The following SCG5 variants were observed in gnomAD, a reference collection of about 807,000 sequenced individuals.
The protein encoded by SCG5 is secretogranin V.
SCG5 carries 18 observed loss-of-function variants against 25.7 expected under a neutral mutation model. The observed-to-expected ratio is 0.70, with a 90% CI of 0.48 to 1.04. The LOEUF (loss-of-function observed/expected upper bound fraction) is 1.04, where lower values mean the gene tolerates loss of function less well. Among genes scored for constraint, SCG5 ranks in the 50% least tolerant of loss-of-function variants. The probability of loss-of-function intolerance (pLI) is 0.00; values close to 1 mark genes in which losing one functional copy is unlikely to be tolerated. For missense variants in SCG5, 206 were observed against 259.8 expected (o/e 0.79, Z 1.42); for synonymous variants, 101 against 91.7 (o/e 1.10, Z -0.58).
chr15:32,648,783 T>TAA (rs1212922715), intron 2 of SCG5, among the ~76,000 whole-genome samples: 4,591 of 131,292 alleles, frequency 0.035, 107 homozygotes, highest in East Asian at 0.1. Context: ...TTTTTTTTTT[T>TAA]AAAAAAAAAA....
At chr15:32,695,893 A>C (rs773365992) in intron 5 of SCG5, among the ~76,000 whole-genome samples, 1 of 152,204 alleles carries the variant, frequency 6.6e-6, no homozygotes, top group Non-Finnish European at 1.5e-5. Flanking sequence ...GGTTTACTGC[A>C]CTTCTTTGCA....
chr15:32,685,697 G>A (rs1228282693), intron 4 of SCG5, among the ~76,000 whole-genome samples: 1 of 152,240 alleles, frequency 6.6e-6, no homozygotes, highest in East Asian at 1.9e-4. Context: ...TCAGAACTGA[G>A]TGGGGATATG....
intron 2 of SCG5, among the ~76,000 whole-genome samples, chr15:32,669,359 A>G (rs2054377558): frequency 6.6e-6 from 1 of 152,164 alleles, no homozygotes; most frequent in Non-Finnish European, 1.5e-5. Flanking sequence ...GCCCAAGTCC[A>G]TATTTTTACT....
At chr15:32,678,090 C>CTA (rs2054559842) in intron 2 of SCG5, among the ~76,000 whole-genome samples, 1 of 152,122 alleles carries the variant, frequency 6.6e-6, no homozygotes, top group Non-Finnish European at 1.5e-5. Context: ...AAAGAGTTAA[C>CTA]TTACAAATAG....
intron 2 of SCG5, among the ~76,000 whole-genome samples, chr15:32,644,685 A>G (rs2053915675): frequency 6.6e-6 from 1 of 152,210 alleles, no homozygotes; most frequent in Non-Finnish European, 1.5e-5. Flanking sequence ...GCAGAATCCT[A>G]AAGAAGTAGC....
At chr15:32,648,920 C>T (rs369347742) in intron 2 of SCG5, among the ~76,000 whole-genome samples, 2 of 152,132 alleles carry the variant, frequency 1.3e-5, no homozygotes, top group East Asian at 1.9e-4. Flanking sequence ...TACAGGCGCC[C>T]GCCACCACGC....
intron 2 of SCG5, among the ~76,000 whole-genome samples, chr15:32,661,941 T>C (rs992631960): frequency 6.6e-6 from 1 of 152,196 alleles, no homozygotes; most frequent in Non-Finnish European, 1.5e-5. Context: ...TGTGCACACA[T>C]AGGTAGTTTT....
intron 2 of SCG5, among the ~76,000 whole-genome samples, chr15:32,664,301 C>G (rs571718989): frequency 1.3e-4 from 20 of 152,314 alleles, no homozygotes; most frequent in South Asian, 8.3e-4. Context: ...CCTTCTGTTT[C>G]TCACTGTGCC....
rs548459180 is a variant in SCG5, at chr15:32,668,422, T to C, written c.227-11344T>C. On this transcript the variant is annotated intron_variant, in intron 2 of 5. Coordinates refer to ENST00000300175, the MANE Select transcript of SCG5 (RefSeq NM_001144757.3). ...CTTGTCAGACTCAGATGGAGTCTCC[T>C]CGTTTTAGTCTACAGACATATGGGT... is the stretch of plus-strand genomic sequence containing the variant. Among the ~76,000 whole-genome samples the C allele has an allele frequency of 9.2e-5, 14 of 152,328 alleles. No individual in the cohort carries two copies. In the East Asian group the frequency reaches 2.5e-3, roughly 27 times the overall value.
Position 32,643,696 on chromosome 15 carries a change from T to G in SCG5, c.104T>G (p.Val35Gly). 6.2e-7 allele frequency: 1 copy of G among 1,613,882 alleles called. No individual in the cohort carries two copies. The highest frequency in any genetic ancestry group is 8.5e-7 in the Non-Finnish European group (1 of 1,179,852). ...FAYSPRTPDR[V>G]SEADIQRLLH... ...TACAGCCCCCGGACCCCTGACCGGG[T>G]CTCAGAAGCAGATATCCAGAGGCTG... The change falls in exon 2 of 6, where the codon GTC becomes GGC. Residue 35 changes from valine (V) to glycine (G), a missense_variant. By Grantham distance (109) the Val-to-Gly change is moderately radical. Coordinates refer to ENST00000300175, the MANE Select transcript of SCG5 (RefSeq NM_001144757.3).
chr15:32,663,542 T>G (rs2054272953), intron 2 of SCG5, among the ~76,000 whole-genome samples: 1 of 152,178 alleles, frequency 6.6e-6, no homozygotes, highest in Admixed American at 6.5e-5. Flanking sequence ...ATTTCCAGGC[T>G]GGCTAGGACA....
intron 5 of SCG5, among the ~76,000 whole-genome samples, chr15:32,694,694 G>A (rs966504201): frequency 6.6e-6 from 1 of 152,194 alleles, no homozygotes; most frequent in Non-Finnish European, 1.5e-5. Flanking sequence ...GTGTTGTCTT[G>A]TGGCATGTCA....
chr15:32,650,843 G>A (rs905214810), intron 2 of SCG5, among the ~76,000 whole-genome samples: 2 of 152,198 alleles, frequency 1.3e-5, no homozygotes, highest in African/African-American at 2.4e-5. Context: ...AGATAGAAAT[G>A]TATAAACATT....
intron 3 of SCG5, among the ~76,000 whole-genome samples, chr15:32,682,647 A>C (rs965070274): frequency 6.6e-6 from 1 of 152,238 alleles, no homozygotes; most frequent in Non-Finnish European, 1.5e-5. Flanking sequence ...TTCTTCCATG[A>C]AACTAACATA....
intron 2 of SCG5, among the ~76,000 whole-genome samples, chr15:32,648,782 TTA>T (rs1567069560): frequency 7.2e-6 from 1 of 139,040 alleles, no homozygotes; most frequent in East Asian, 2.3e-4. Context: ...TTTTTTTTTT[TTA>T]AAAAAAAAAC....
chr15:32,695,396 C>T (rs987746707), intron 5 of SCG5, among the ~76,000 whole-genome samples: 2 of 151,976 alleles, frequency 1.3e-5, no homozygotes, highest in Admixed American at 6.6e-5. Flanking sequence ...TTGAATTTTT[C>T]TTCTGCTTGC....
At chr15:32,650,752 C>G (rs1489121724) in intron 2 of SCG5, among the ~76,000 whole-genome samples, 1 of 152,178 alleles carries the variant, frequency 6.6e-6, no homozygotes, top group African/African-American at 2.4e-5. Flanking sequence ...ATAGGCTGCT[C>G]AGTGCCAGCT....
chr15:32,665,932 A>G (rs2054311281), intron 2 of SCG5: 1 of 152,240 alleles, frequency 6.6e-6, no homozygotes, highest in African/African-American at 2.4e-5. Flanking sequence ...GAAAAAATAA[A>G]CAAACATGCA....
chr15:32,646,704 G>A (rs904741081), intron 2 of SCG5, among the ~76,000 whole-genome samples: 8 of 152,136 alleles, frequency 5.3e-5, no homozygotes, highest in African/African-American at 1.7e-4. Flanking sequence ...AAAATAAAAA[G>A]CCTGGGTTTT....
Sources: gnomAD v4.1 joint callset for allele counts (sites outside exome capture counted in the v4.1 genomes callset) on GRCh38, gnomAD v4.1.1 for gene constraint, MANE v1.5 for transcripts, NCBI Gene and HGNC (gene_info 2026-07-23, HGNC 2026-07-21) for gene names.